The following PREX2 variants were observed in gnomAD, a reference collection of about 807,000 sequenced individuals.
PREX2 encodes phosphatidylinositol-3,4,5-trisphosphate dependent Rac exchange factor 2.
Under a neutral mutation model 203.2 loss-of-function variants are expected in PREX2, and 107 were observed. The observed-to-expected ratio is 0.53, with a 90% confidence interval of 0.45 to 0.62. The LOEUF is 0.62. Ranked by LOEUF, PREX2 falls within the 20% of genes least tolerant of loss-of-function variation. The pLI is 0.00. For synonymous variants in PREX2, 672 were observed against 663.6 expected, an observed-to-expected ratio of 1.01 and a Z score of -0.19; for missense variants, 1,777 against 1,955.9, an observed-to-expected ratio of 0.91 and a Z score of 1.72.
chr8:68,199,726 A>G (rs1040488064), intron 37 of PREX2, among the ~76,000 whole-genome samples: 12 of 152,132 alleles, frequency 7.9e-5, no homozygotes, highest in Non-Finnish European at 1.5e-4. Flanking sequence ...CAATTTAAAA[A>G]CCCACTTTTG....
In PREX2 at chr8:68,115,378, G is replaced by C. The variant is rs533899909; in HGVS notation, c.3147-375G>C. 1.3e-4 allele frequency among the ~76,000 whole-genome samples: 20 copies of C among 152,276 alleles called. No homozygotes were observed. In the East Asian group the frequency reaches 3.5e-3, roughly 26 times the overall value. ...GTGATGGTTGTGCTAATGGCCAGGG[G>C]CTAGAGGTGACACCCATTATGCACC... On this transcript the variant is annotated intron_variant, in intron 25 of 39. Coordinates refer to ENST00000288368, the MANE Select transcript of PREX2 (RefSeq NM_024870.4).
intron 6 of PREX2, among the ~76,000 whole-genome samples, chr8:68,035,075 A>G (rs16934023): frequency 0.1 from 15,652 of 152,172 alleles, 854 homozygotes; most frequent in Middle Eastern, 0.13. Context: ...TTTGTTTTGT[A>G]TGTCACAGAA....
intron 39 of PREX2, among the ~76,000 whole-genome samples, chr8:68,228,596 A>G (rs1263212606): frequency 1.3e-5 from 2 of 151,834 alleles, no homozygotes; most frequent in Non-Finnish European, 2.9e-5. Context: ...CCCCATCTCT[A>G]CTAAAAATAT....
At chr8:68,222,004 G>A (rs75073908) in intron 38 of PREX2, among the ~76,000 whole-genome samples, 12,168 of 152,106 alleles carry the variant, frequency 0.08, 921 homozygotes, top group East Asian at 0.3. Context: ...AATAAGGAAA[G>A]GAAGAAGGCT....
At chr8:68,148,209 T>C (rs1008827920) in intron 34 of PREX2, among the ~76,000 whole-genome samples, 1 of 152,146 alleles carries the variant, frequency 6.6e-6, no homozygotes, top group Non-Finnish European at 1.5e-5. Flanking sequence ...ATCATGCCAC[T>C]GCACTCCAGC....
chr8:68,019,508 G>T, intron 2 of PREX2, 41 bp from the exon 3 acceptor site: 1 of 1,552,022 alleles, frequency 6.4e-7, no homozygotes, highest in Admixed American at 1.9e-5. Flanking sequence ...TAAAAAAATT[G>T]CTTCACTACT....
chr8:68,054,931 G>A (rs2129611179), intron 9 of PREX2, among the ~76,000 whole-genome samples: 1 of 152,232 alleles, frequency 6.6e-6, no homozygotes, highest in Non-Finnish European at 1.5e-5. Context: ...TTTCTTCCAT[G>A]CCCACATTTA....
chr8:68,003,390 G>A (rs1161496728), intron 1 of PREX2, among the ~76,000 whole-genome samples: 2 of 152,066 alleles, frequency 1.3e-5, no homozygotes, highest in South Asian at 2.1e-4. Flanking sequence ...TATCTCAGAC[G>A]GCAAAAGATT....
intron 35 of PREX2, among the ~76,000 whole-genome samples, chr8:68,169,917 A>C (rs1811841445): frequency 6.6e-6 from 1 of 152,216 alleles, no homozygotes; most frequent in Non-Finnish European, 1.5e-5. Flanking sequence ...ACAAGTCCAT[A>C]AACAAAGTCT....
chr8:68,192,670 G>T (rs1812321551), intron 37 of PREX2, 145 bp downstream of exon 37: 3 of 599,006 alleles, frequency 5.0e-6, no homozygotes, highest in Admixed American at 3.6e-5. Flanking sequence ...GACGTTTTCT[G>T]GTTTTAATTC....
At chr8:68,105,851 T>C (rs1810396702) in intron 23 of PREX2, 1 of 151,842 alleles carries the variant, frequency 6.6e-6, no homozygotes, top group South Asian at 2.1e-4. Context: ...TGGTGTATTT[T>C]TCAGAATACA....
At chr8:68,132,161 T>A (rs962441866) in intron 31 of PREX2, among the ~76,000 whole-genome samples, 39 of 152,140 alleles carry the variant, frequency 2.6e-4, no homozygotes, top group African/African-American at 9.4e-4. Context: ...TTCACTTTTT[T>A]ATTTATTTTT....
chr8:68,031,510 A>G (rs1585721414), intron 6 of PREX2, among the ~76,000 whole-genome samples: 1 of 152,096 alleles, frequency 6.6e-6, no homozygotes, highest in South Asian at 2.1e-4. Flanking sequence ...CTTACCTTTG[A>G]TATGGTATTT....
chr8:68,151,936 A>G (rs1011011663), intron 34 of PREX2, among the ~76,000 whole-genome samples: 1 of 145,608 alleles, frequency 6.9e-6, no homozygotes, highest in Non-Finnish European at 1.5e-5. Flanking sequence ...AAACATTGTC[A>G]TTTTCTAAGT....
chr8:68,018,654 A>T (rs1053877851), intron 2 of PREX2, among the ~76,000 whole-genome samples: 2 of 152,134 alleles, frequency 1.3e-5, no homozygotes, highest in African/African-American at 4.8e-5. Flanking sequence ...ACTCCACATA[A>T]TATCCTTAAT....
rs376780913 is a variant in PREX2 at position 68,105,518 on chromosome 8, C to A, written c.2716-2591C>A. On this transcript the variant is annotated intron_variant, in intron 23 of 39. Coordinates refer to ENST00000288368, the MANE Select transcript of PREX2 (RefSeq NM_024870.4). ...GCAAGAGAATCTTCTGCCAGCTCTC[C>A]CCGATTACTCCATTAACACTTCTTG... is the stretch of plus-strand genomic sequence containing the variant. The A allele has an allele frequency of 2.7e-5, 31 of 1,157,476 alleles. No individual in the cohort carries two copies. In the African/African-American group the frequency reaches 4.8e-4, roughly 18 times the overall value. 71.7% of individuals were successfully genotyped at this position (1,157,476 alleles called of 1,614,324 possible).
intron 37 of PREX2, among the ~76,000 whole-genome samples, chr8:68,203,993 G>T (rs964225484): frequency 6.6e-6 from 1 of 152,102 alleles, no homozygotes; most frequent in Non-Finnish European, 1.5e-5. Context: ...AAGGAACTTC[G>T]GGTAGCTGGG....
Position 67,967,240 on chromosome 8 carries a change from T to C in PREX2, c.141+14705T>C, listed in dbSNP as rs188117576. The stretch of plus-strand genomic sequence containing the variant: ...AGGTGAGATTAAACCCAGATGTACA[T>C]TGCTAATAAATAAAGTTAATAGAAC... On this transcript the variant is annotated intron_variant, in intron 1 of 39. Transcript: ENST00000288368. Among the ~76,000 whole-genome samples, 76 of 152,308 alleles carry C rather than the reference T, an allele frequency of 5.0e-4. 1 individual carries two copies. Among genetic ancestry groups the C allele is most frequent in the Middle Eastern group, 6.8e-3 (2 of 294 alleles).
chr8:68,013,010 A>AAGCT (rs1807309628), intron 1 of PREX2, among the ~76,000 whole-genome samples: 1 of 152,220 alleles, frequency 6.6e-6, no homozygotes, highest in Admixed American at 6.5e-5. Context: ...TACACTAGGG[A>AAGCT]AATTAATGCA....
Sources: gnomAD v4.1 joint callset for allele counts (sites outside exome capture counted in the v4.1 genomes callset) on GRCh38, gnomAD v4.1.1 for gene constraint, MANE v1.5 for transcripts, NCBI Gene and HGNC (gene_info 2026-07-23, HGNC 2026-07-21) for gene names.